Variants in ADGRL3 observed in about 807,000 individuals in gnomAD.
ADGRL3 encodes adhesion G protein-coupled receptor L3.
In ADGRL3, 62 loss-of-function variants were observed where a neutral mutation model predicts 153.5. The observed-to-expected ratio is 0.40, with a 90% CI of 0.33 to 0.50. The LOEUF is 0.50. ADGRL3 is among the 20% of genes least tolerant of loss of function. The pLI is 0.47. For missense variants in ADGRL3, 1,641 were observed against 1,859.4 expected, an observed-to-expected ratio of 0.88 and a Z score of 2.16; for synonymous variants, 710 against 672.5, an observed-to-expected ratio of 1.06 and a Z score of -0.86.
At chr4:62,059,956 C>T (rs1739166183) in intron 25 of ADGRL3, among the ~76,000 whole-genome samples, 3 of 152,022 alleles carry the variant, frequency 2.0e-5, no homozygotes, top group Admixed American at 2.0e-4. Flanking sequence ...GAAACTTATG[C>T]CAGGATAGAT....
chr4:61,436,853 A>T (rs1168412533), intron 2 of ADGRL3, among the ~76,000 whole-genome samples: 2 of 150,234 alleles, frequency 1.3e-5, no homozygotes, highest in African/African-American at 4.9e-5. Context: ...TACAGAGAGC[A>T]TTAGAATAAT....
chr4:61,979,902 G>A (rs2099061563), intron 18 of ADGRL3, 130 bp downstream of exon 18: 1 of 797,484 alleles, frequency 1.3e-6, no homozygotes, highest in African/African-American at 1.7e-5. Context: ...CTAATTTTCA[G>A]GCCTTACTCA....
At chr4:61,297,482 A>G (rs148261128) in intron 1 of ADGRL3, among the ~76,000 whole-genome samples, 224 of 152,292 alleles carry the variant, frequency 1.5e-3, no homozygotes, top group African/African-American at 4.7e-3. Context: ...TTTATTGATG[A>G]TTATAAAAAT....
intron 6 of ADGRL3, among the ~76,000 whole-genome samples, chr4:61,726,600 AT>A (rs1053442936): frequency 1.3e-5 from 2 of 151,974 alleles, no homozygotes; most frequent in African/African-American, 4.8e-5. Context: ...ACTGGTTGTG[AT>A]TTTTTTATTA....
In ADGRL3 at chr4:61,321,767, A is replaced by G. The variant is rs532143300; in HGVS notation, c.-239-61357A>G. 6.6e-5 allele frequency among the ~76,000 whole-genome samples: 10 copies of G among 152,244 alleles called. 1 individual carries two copies. The South Asian group carries it at 1.4e-3, about 22-fold the overall frequency. On this transcript the variant is annotated intron_variant, in intron 1 of 26. Transcript: ENST00000683033. ...TGATATTATAATCTTATGGGACCCA[A>G]TGTCATGCATGTGGTCTGTTGTTGA... is the stretch of plus-strand genomic sequence containing the variant.
At chr4:61,439,536 A>G (rs2097501943) in intron 2 of ADGRL3, among the ~76,000 whole-genome samples, 1 of 152,136 alleles carries the variant, frequency 6.6e-6, no homozygotes, top group Non-Finnish European at 1.5e-5. Flanking sequence ...TACACTTGCC[A>G]TGGTGGTTTC....
At chr4:61,257,862 T>A (rs980272008) in intron 1 of ADGRL3, among the ~76,000 whole-genome samples, 1 of 151,822 alleles carries the variant, frequency 6.6e-6, no homozygotes, top group Non-Finnish European at 1.5e-5. Flanking sequence ...TGTGTGTGTG[T>A]CTGTGCGTGT....
chr4:61,623,163 A>C (rs2092634019), intron 5 of ADGRL3, among the ~76,000 whole-genome samples: 1 of 152,092 alleles, frequency 6.6e-6, no homozygotes, highest in Non-Finnish European at 1.5e-5. Flanking sequence ...AGGCTCACTG[A>C]CTTCAAACCT....
chr4:61,388,708 C>A (rs949418977), intron 2 of ADGRL3, among the ~76,000 whole-genome samples: 2 of 152,214 alleles, frequency 1.3e-5, no homozygotes, highest in Non-Finnish European at 2.9e-5. Context: ...CCTGTTCCAT[C>A]TTCAACCTTC....
chr4:61,231,176 T>TGTCA (rs1488595344), intron 1 of ADGRL3, among the ~76,000 whole-genome samples: 1 of 152,158 alleles, frequency 6.6e-6, no homozygotes, highest in African/African-American at 2.4e-5. Context: ...CATGCAAAAA[T>TGTCA]GTCAGTTGAT....
At chr4:61,603,575 T>G (rs1301019225) in intron 5 of ADGRL3, among the ~76,000 whole-genome samples, 2 of 152,136 alleles carry the variant, frequency 1.3e-5, no homozygotes. Context: ...ACCACGAGTA[T>G]TTAATTATGC....
intron 1 of ADGRL3, among the ~76,000 whole-genome samples, chr4:61,331,944 G>C (rs1460574366): frequency 6.6e-6 from 1 of 152,014 alleles, no homozygotes; most frequent in Non-Finnish European, 1.5e-5. Context: ...TATAGTCAGT[G>C]TTCTGTAGGA....
intron 8 of ADGRL3, among the ~76,000 whole-genome samples, chr4:61,753,203 A>G (rs1464870210): frequency 6.6e-6 from 1 of 151,262 alleles, no homozygotes; most frequent in Non-Finnish European, 1.5e-5. Context: ...TGAACAATCA[A>G]GCATTTAGTA....
intron 2 of ADGRL3, among the ~76,000 whole-genome samples, chr4:61,409,155 A>T (rs1469671472): frequency 6.8e-6 from 1 of 146,998 alleles, no homozygotes; most frequent in Non-Finnish European, 1.5e-5. Flanking sequence ...TCACCAAAAA[A>T]ATCCCAGTTA....
At chr4:61,797,735 T>TC (rs1249121526) in intron 8 of ADGRL3, among the ~76,000 whole-genome samples, 1 of 9,750 alleles carries the variant, frequency 1.0e-4, no homozygotes, top group Non-Finnish European at 2.1e-4. Context: ...CAACATATTT[T>TC]CTTTTCTAGA....
chr4:61,948,791 A>G (rs2098935760), intron 17 of ADGRL3, among the ~76,000 whole-genome samples: 1 of 152,202 alleles, frequency 6.6e-6, no homozygotes, highest in South Asian at 2.1e-4. Context: ...ACTCTAAGGA[A>G]AAATCCAGAT....
At chr4:61,640,818 C>G (rs2093632038) in intron 5 of ADGRL3, among the ~76,000 whole-genome samples, 1 of 151,992 alleles carries the variant, frequency 6.6e-6, no homozygotes, top group Non-Finnish European at 1.5e-5. Flanking sequence ...TTGTTTTGTT[C>G]TTTTGACAAA....
intron 19 of ADGRL3, among the ~76,000 whole-genome samples, chr4:61,994,968 A>G (rs1195954090): frequency 6.6e-6 from 1 of 150,486 alleles, no homozygotes; most frequent in Non-Finnish European, 1.5e-5. Flanking sequence ...GCTGGAGCAC[A>G]GTGCCGTGAT....
chr4:62,061,280 CT>C (rs1316165724), intron 25 of ADGRL3, among the ~76,000 whole-genome samples: 1 of 151,622 alleles, frequency 6.6e-6, no homozygotes, highest in Non-Finnish European at 1.5e-5. Context: ...GCCTAGATTA[CT>C]TTTCGTTTTG....
Sources: allele counts gnomAD v4.1 joint callset (sites outside exome capture counted in the v4.1 genomes callset), GRCh38; gene constraint gnomAD v4.1.1; transcripts MANE v1.5; gene names NCBI Gene and HGNC (gene_info 2026-07-23, HGNC 2026-07-21).